Variants in COL19A1 observed in about 807,000 individuals in gnomAD.
COL19A1 encodes collagen alpha-1(XIX) chain.
COL19A1 carries 159 observed loss-of-function variants against 190.2 expected under a neutral mutation model. The ratio of observed to expected loss-of-function variants is 0.84; its 90% CI spans 0.73 to 0.95. The LOEUF is 0.95. Ranked by LOEUF, COL19A1 falls within the 40% of genes least tolerant of loss-of-function variation. The pLI is 0.00. For synonymous variants in COL19A1, 509 were observed against 458.9 expected, an observed-to-expected ratio of 1.11 and a Z score of -1.39; for missense variants, 1,418 against 1,431.9, an observed-to-expected ratio of 0.99 and a Z score of 0.16.
At chr6:70,190,529 G>T (rs1766800416) in intron 48 of COL19A1, 148 bp downstream of exon 48, 1 of 608,016 alleles carries the variant, frequency 1.6e-6, no homozygotes. Flanking sequence ...ACAGCTCTTT[G>T]ATGAAAATTC....
In COL19A1 at chr6:70,005,141, T is replaced by C. The variant is rs2150088359; in HGVS notation, c.1027-18486T>C. 1.3e-5 allele frequency among the ~76,000 whole-genome samples: 2 copies of C among 152,284 alleles called. 1 individual carries two copies. The highest frequency in any genetic ancestry group is 3.9e-4 in the East Asian group (2 of 5,178). ...TTTTTATTATCCATCTTCTGAAGCCTACTTCTGTCAATTCTTCCATCTCAT... is the reference window on the plus strand; with the variant it reads ...TTTTTATTATCCATCTTCTGAAGCCCACTTCTGTCAATTCTTCCATCTCAT... On this transcript the variant is annotated intron_variant, in intron 11 of 50. Transcript: ENST00000620364.
chr6:69,903,647 A>G (rs1264179266), intron 4 of COL19A1, among the ~76,000 whole-genome samples: 1 of 152,202 alleles, frequency 6.6e-6, no homozygotes, highest in East Asian at 1.9e-4. Flanking sequence ...CTATCAAGGA[A>G]TACCAGAGCT....
At chr6:69,942,159 G>T (rs1015344047) in intron 9 of COL19A1, among the ~76,000 whole-genome samples, 1 of 152,116 alleles carries the variant, frequency 6.6e-6, no homozygotes, top group Non-Finnish European at 1.5e-5. Flanking sequence ...AAAGATTTGA[G>T]AATACAACTT....
chr6:69,866,745 A>C (rs1767466787), intron 1 of COL19A1, 105 bp downstream of exon 1: 1 of 152,234 alleles, frequency 6.6e-6, no homozygotes, highest in Non-Finnish European at 1.5e-5. Context: ...TCTGCTTTTC[A>C]AGAAAATGTA....
In COL19A1 at chr6:69,936,778, A is replaced by T; in HGVS notation, c.748-7A>T. 1 of 1,611,280 alleles carries T rather than the reference A, an allele frequency of 6.2e-7. No individual in the cohort carries two copies. The highest frequency in any genetic ancestry group is 8.5e-7 in the Non-Finnish European group (1 of 1,178,466). On this transcript the variant is annotated splice_region_variant and splice_polypyrimidine_tract_variant and intron_variant, in intron 7 of 50. Transcript: ENST00000620364. ...CCCATTTCCTAAAGCCTCTTTTTGGATTTTAGTGCCCAGAGCAGGATGGCT... is the reference window on the plus strand; with the variant it reads ...CCCATTTCCTAAAGCCTCTTTTTGGTTTTTAGTGCCCAGAGCAGGATGGCT...
At chr6:70,085,052 A>G (rs895532603) in intron 15 of COL19A1, among the ~76,000 whole-genome samples, 2 of 152,154 alleles carry the variant, frequency 1.3e-5, no homozygotes, top group Non-Finnish European at 2.9e-5. Flanking sequence ...AAAGTAGCCA[A>G]TACAGGGCCT....
chr6:69,905,138 C>G (rs1359521988), intron 4 of COL19A1, among the ~76,000 whole-genome samples: 2 of 152,150 alleles, frequency 1.3e-5, no homozygotes, highest in Non-Finnish European at 2.9e-5. Context: ...GACCCACTCA[C>G]CTTATCCTGC....
chr6:69,956,842 A>G (rs1481862966), intron 9 of COL19A1, among the ~76,000 whole-genome samples: 4 of 152,094 alleles, frequency 2.6e-5, no homozygotes, highest in African/African-American at 9.7e-5. Context: ...ATAGAAGGTT[A>G]TACTCCTAGA....
At chr6:70,166,181 T>C (rs566571444) in intron 37 of COL19A1, among the ~76,000 whole-genome samples, 196 bp downstream of exon 37, 6 of 152,324 alleles carry the variant, frequency 3.9e-5, no homozygotes, top group African/African-American at 1.2e-4. Flanking sequence ...TGTGCAATGC[T>C]CAGATTGGCA....
chr6:70,098,385 A>G, intron 15 of COL19A1: 1 of 504,664 alleles, frequency 2.0e-6, no homozygotes, highest in South Asian at 1.4e-5. Context: ...AATCATTGAA[A>G]TTCTTAAGAT....
chr6:70,043,361 T>G (rs1277874950), intron 14 of COL19A1, among the ~76,000 whole-genome samples: 1 of 152,058 alleles, frequency 6.6e-6, no homozygotes, highest in Non-Finnish European at 1.5e-5. Flanking sequence ...CTGGCTAATT[T>G]TTTTGTACTT....
In COL19A1 at chr6:69,935,355, T is replaced by C. The variant is rs569055958; in HGVS notation, c.748-1430T>C. Among the ~76,000 whole-genome samples, 29 of 152,176 alleles carry C rather than the reference T, an allele frequency of 1.9e-4. 1 individual carries two copies. Among genetic ancestry groups the C allele is most frequent in the Middle Eastern group, 6.8e-3 (2 of 294 alleles). The stretch of plus-strand genomic sequence containing the variant: ...AGCCTGAGACATACTTTTAAAGTTA[T>C]TTAAATCCTCAATTTAATATAGTGA... On this transcript the variant is annotated intron_variant, in intron 7 of 50. Coordinates refer to ENST00000620364, the MANE Select transcript of COL19A1 (RefSeq NM_001858.6).
intron 11 of COL19A1, among the ~76,000 whole-genome samples, chr6:69,989,208 G>A (rs1776470769): frequency 6.6e-6 from 1 of 152,044 alleles, no homozygotes; most frequent in Non-Finnish European, 1.5e-5. Context: ...TCTCCAAAAA[G>A]TACAATGCCG....
intron 37 of COL19A1, among the ~76,000 whole-genome samples, chr6:70,167,462 A>G (rs540837792): frequency 6.5e-4 from 99 of 152,218 alleles, no homozygotes; most frequent in African/African-American, 2.3e-3. Context: ...AATTTTTTTC[A>G]AGATGTTCTT....
chr6:70,190,478 A>G, intron 48 of COL19A1, 97 bp downstream of exon 48: 1 of 805,056 alleles, frequency 1.2e-6, no homozygotes, highest in South Asian at 1.6e-5. Context: ...AAAGATGGCC[A>G]TGCCACAAAA....
At chr6:70,104,776 T>C (rs573207616) in intron 16 of COL19A1, among the ~76,000 whole-genome samples, 88 of 152,348 alleles carry the variant, frequency 5.8e-4, no homozygotes, top group Middle Eastern at 3.4e-3. Flanking sequence ...CCTATGATGC[T>C]GCTTTTAAGA....
rs1234477939 is a variant in COL19A1, at chr6:69,960,146, A to G, written c.981+106A>G. On this transcript the variant is annotated intron_variant, in intron 10 of 50. Transcript: ENST00000620364. Reference sequence around the variant, plus strand: ...GTATTTGATTAAGCTGAATTCACTCAAAGACTTTTAGAAAGCTATGGATGT... The same window carrying G: ...GTATTTGATTAAGCTGAATTCACTCGAAGACTTTTAGAAAGCTATGGATGT... The G allele has an allele frequency of 4.5e-6, 5 of 1,122,002 alleles. No individual in the cohort carries two copies. In the African/African-American group the frequency reaches 7.9e-5, roughly 18 times the overall value. The allele number at this position is 1,122,002 out of a possible 1,614,324, so 69.5% of individuals were successfully genotyped here.
At chr6:70,132,050 C>A (rs2150224688) in intron 18 of COL19A1, among the ~76,000 whole-genome samples, 1 of 152,110 alleles carries the variant, frequency 6.6e-6, no homozygotes, top group South Asian at 2.1e-4. Flanking sequence ...TAAAGAGACA[C>A]ATAAAAAAAC....
chr6:70,195,136 G>GATAT (rs202055762), intron 48 of COL19A1, among the ~76,000 whole-genome samples: 30,673 of 135,678 alleles, frequency 0.23, 3,460 homozygotes, highest in Non-Finnish European at 0.24. Context: ...CATCATTGAT[G>GATAT]ATATATATAT....
Sources: allele counts gnomAD v4.1 joint callset (sites outside exome capture counted in the v4.1 genomes callset), GRCh38; gene constraint gnomAD v4.1.1; transcripts MANE v1.5; gene names NCBI Gene and HGNC (gene_info 2026-07-23, HGNC 2026-07-21).